Variants in TGFBI observed in about 807,000 individuals in gnomAD.
The protein encoded by TGFBI is transforming growth factor-beta-induced protein ig-h3.
TGFBI carries 50 observed loss-of-function variants against 73.7 expected under a neutral mutation model. That is an observed-to-expected ratio of 0.68 (90% CI 0.54 to 0.86). TGFBI has a LOEUF of 0.86. TGFBI is among the 40% of genes least tolerant of loss of function. TGFBI has a pLI of 0.00. For missense variants in TGFBI, 839 were observed against 877.0 expected (o/e 0.96, Z 0.55); for synonymous variants, 362 against 360.5 (o/e 1.00, Z -0.05).
At chr5:136,041,021 C>T (rs1029071847) in intron 2 of TGFBI, among the ~76,000 whole-genome samples, 9 of 152,350 alleles carry the variant, frequency 5.9e-5, no homozygotes, top group East Asian at 3.9e-4. Flanking sequence ...TCTCAGCCTT[C>T]GATTCACAGC....
At chr5:136,050,778 TG>T (rs1415546927) in intron 7 of TGFBI, among the ~76,000 whole-genome samples, 1 of 152,222 alleles carries the variant, frequency 6.6e-6, no homozygotes, top group East Asian at 1.9e-4. Context: ...TCCTTCTATC[TG>T]TGCAGGGATG....
At chr5:136,054,960 G>A (rs1041726704) in intron 10 of TGFBI, 99 bp downstream of exon 10, 1 of 1,398,964 alleles carries the variant, frequency 7.1e-7, no homozygotes, top group Non-Finnish European at 9.8e-7. Flanking sequence ...GAGTTTGCAT[G>A]AGAACTGGTT....
chr5:136,049,751 T>G, intron 7 of TGFBI, 171 bp downstream of exon 7: 3 of 698,426 alleles, frequency 4.3e-6, no homozygotes, highest in East Asian at 2.8e-5. Context: ...ACCGTGTCTC[T>G]AGCAGCCACA....
At chr5:136,043,238 C>T (rs1751370681) in intron 2 of TGFBI, among the ~76,000 whole-genome samples, 1 of 152,104 alleles carries the variant, frequency 6.6e-6, no homozygotes, top group Non-Finnish European at 1.5e-5. Flanking sequence ...CAGAACACTT[C>T]CTTCCTTGCA....
Position 136,033,830 on chromosome 5 carries a change from T to A in TGFBI, c.202T>A (p.Trp68Arg). ...NRKYFTNCKQ[W>R]YQRKICGKST... is the part of the protein sequence containing the mutation. ...GAAGTACTTCACCAACTGCAAGCAG[T>A]GGTACCAAAGGAAAATCTGTGGCAA... is the stretch of plus-strand genomic sequence containing the variant. Residue 68 changes from tryptophan (W) to arginine (R), a missense_variant, in exon 2 of 17, where the codon TGG becomes AGG. Coordinates refer to ENST00000442011, the MANE Select transcript of TGFBI (RefSeq NM_000358.3). The A allele has an allele frequency of 1.2e-6, 2 of 1,613,848 alleles. No homozygotes were observed. Among genetic ancestry groups the A allele is most frequent in the Non-Finnish European group, 1.7e-6 (2 of 1,179,858 alleles).
intron 1 of TGFBI, among the ~76,000 whole-genome samples, chr5:136,030,604 C>A (rs1176458084): frequency 6.6e-6 from 1 of 152,070 alleles, no homozygotes; most frequent in Non-Finnish European, 1.5e-5. Flanking sequence ...GGGCAGTGTG[C>A]AGAATAGAGT....
At chr5:136,035,280 A>C (rs966501562) in intron 2 of TGFBI, among the ~76,000 whole-genome samples, 1 of 152,190 alleles carries the variant, frequency 6.6e-6, no homozygotes, top group Admixed American at 6.5e-5. Flanking sequence ...AAAGGAGACT[A>C]TGCAAATTAT....
intron 2 of TGFBI, among the ~76,000 whole-genome samples, chr5:136,035,139 C>T (rs1751190890): frequency 6.6e-6 from 1 of 152,176 alleles, no homozygotes; most frequent in East Asian, 1.9e-4. Flanking sequence ...CTGTCCAGGG[C>T]AGGTCCATGG....
intron 12 of TGFBI, among the ~76,000 whole-genome samples, chr5:136,057,816 G>A (rs1324413982): frequency 6.6e-6 from 1 of 152,166 alleles, no homozygotes; most frequent in East Asian, 1.9e-4. Context: ...CTAAATGAAT[G>A]CCTGTGTCTG....
intron 12 of TGFBI, among the ~76,000 whole-genome samples, chr5:136,057,839 A>G: frequency 6.6e-6 from 1 of 152,138 alleles, no homozygotes; most frequent in East Asian, 1.9e-4. Flanking sequence ...ATGCTGACGT[A>G]TGTTCCTAAG....
chr5:136,061,330 G>A (rs943551784), intron 14 of TGFBI, 170 bp from the exon 15 acceptor site: 30 of 630,768 alleles, frequency 4.8e-5, no homozygotes, highest in Admixed American at 1.7e-4. Flanking sequence ...CTTTCTTGGT[G>A]CTCTCTCCCC....
chr5:136,054,646 T>C (rs772671275), intron 9 of TGFBI, 70 bp from the exon 10 acceptor site: 1 of 1,602,782 alleles, frequency 6.2e-7, no homozygotes, highest in South Asian at 1.1e-5. Flanking sequence ...TTTCACTGTA[T>C]TTATCTCTCA....
At chr5:136,037,205 G>C (rs1005320072) in intron 2 of TGFBI, among the ~76,000 whole-genome samples, 2 of 152,174 alleles carry the variant, frequency 1.3e-5, no homozygotes, top group African/African-American at 4.8e-5. Flanking sequence ...GTTACCAGTG[G>C]GTCCCTATTT....
intron 13 of TGFBI, 87 bp downstream of exon 13, chr5:136,059,301 C>T: frequency 5.9e-6 from 9 of 1,521,964 alleles, no homozygotes; most frequent in Non-Finnish European, 8.0e-6. Flanking sequence ...GAATTATACA[C>T]ACACAACCTT....
intron 2 of TGFBI, among the ~76,000 whole-genome samples, chr5:136,043,278 C>T (rs766812307): frequency 3.3e-5 from 5 of 152,078 alleles, no homozygotes; most frequent in Non-Finnish European, 5.9e-5. Context: ...GTGTTTTAGC[C>T]GTCCCCAGAA....
chr5:136,052,604 CA>C (rs1561612356), intron 7 of TGFBI, among the ~76,000 whole-genome samples: 3 of 152,204 alleles, frequency 2.0e-5, no homozygotes, highest in South Asian at 4.1e-4. Flanking sequence ...ATGTCATCCC[CA>C]CAGCAGCCCT....
At position 136,060,872 on chromosome 5, in the gene TGFBI, C is replaced by T. The variant is rs761445898; in HGVS notation, c.1842C>T (p.Ala614=). 42 of 1,601,382 alleles carry T rather than the reference C, an allele frequency of 2.6e-5. No individual in the cohort carries two copies. Among genetic ancestry groups the T allele is most frequent in the Middle Eastern group, 1.7e-4 (1 of 5,802 alleles). ...NVVSVNKEPV[A]EPDIMATNGV... is the part of the protein sequence containing the mutation. ...TGAGTGTCAACAAGGAGCCTGTTGCCGAGCCTGACATCATGGCCACAAATG... is the reference window on the plus strand; with the variant it reads ...TGAGTGTCAACAAGGAGCCTGTTGCTGAGCCTGACATCATGGCCACAAATG... The change falls in exon 14 of 17, where the codon GCC becomes GCT. Residue 614 remains alanine (A), a synonymous_variant. Coordinates refer to ENST00000442011, the MANE Select transcript of TGFBI (RefSeq NM_000358.3).
chr5:136,042,989 C>T (rs1463824819), intron 2 of TGFBI, among the ~76,000 whole-genome samples: 1 of 152,146 alleles, frequency 6.6e-6, no homozygotes, highest in African/African-American at 2.4e-5. Flanking sequence ...ATTAAACGCC[C>T]TTTGAGAGTC....
chr5:136,050,382 T>C (rs927982791), intron 7 of TGFBI, among the ~76,000 whole-genome samples: 1 of 152,170 alleles, frequency 6.6e-6, no homozygotes, highest in Non-Finnish European at 1.5e-5. Flanking sequence ...TGACTCTCCA[T>C]TTCAGATTTC....
Sources: allele counts gnomAD v4.1 joint callset (sites outside exome capture counted in the v4.1 genomes callset), GRCh38; gene constraint gnomAD v4.1.1; transcripts MANE v1.5; gene names NCBI Gene and HGNC (gene_info 2026-07-23, HGNC 2026-07-21).